Variants in DSC1 observed in about 807,000 individuals in gnomAD.
DSC1 encodes the protein desmocollin 1.
DSC1 carries 79 observed loss-of-function variants against 98.8 expected under a neutral mutation model. The observed-to-expected ratio is 0.80, with a 90% CI of 0.67 to 0.96. The LOEUF (loss-of-function observed/expected upper bound fraction) is 0.96, where lower values mean the gene tolerates loss of function less well. Ranked by LOEUF, DSC1 falls within the 50% of genes least tolerant of loss-of-function variation. The pLI, the probability that DSC1 is intolerant of heterozygous loss-of-function variation, is 0.00. For synonymous variants in DSC1, 405 were observed against 372.1 expected, an observed-to-expected ratio of 1.09 and a Z score of -1.02; for missense variants, 1,115 against 1,075.9, an observed-to-expected ratio of 1.04 and a Z score of -0.51.
At chr18:31,158,483 G>A (rs972335209) in intron 2 of DSC1, among the ~76,000 whole-genome samples, 2 of 151,946 alleles carry the variant, frequency 1.3e-5, no homozygotes, top group African/African-American at 2.4e-5. Flanking sequence ...AAACCTTAAA[G>A]CACTGGGCAA....
Position 31,132,581 on chromosome 18 carries a change from C to T in DSC1, c.2225G>A (p.Gly742Glu). Residue 742 changes from glycine (G) to glutamate (E), a missense_variant, in exon 14 of 16, where the codon GGA becomes GAA. Gly to Glu is a moderately conservative substitution (Grantham distance 98, BLOSUM62 -2). Coordinates refer to ENST00000257198, the MANE Select transcript of DSC1 (RefSeq NM_024421.2). ...AATCTGATTTACCGTTACTTCTTCT[C>T]CAGGTCCTTCAGTATTTGATACAAT... ...NLIVSNTEGP[G>E]EEVTEANIRL... 6.2e-7 allele frequency: 1 copy of T among 1,613,276 alleles called. No individual in the cohort carries two copies. The highest frequency in any genetic ancestry group is 8.5e-7 in the Non-Finnish European group (1 of 1,179,522).
chr18:31,161,597 A>T (rs1447258389), intron 1 of DSC1, among the ~76,000 whole-genome samples: 1 of 152,144 alleles, frequency 6.6e-6, no homozygotes, highest in East Asian at 1.9e-4. Flanking sequence ...AGTCAGAAAT[A>T]AATAAACAGG....
intron 5 of DSC1, among the ~76,000 whole-genome samples, chr18:31,150,292 C>T (rs199671315): frequency 2.8e-5 from 4 of 143,946 alleles, no homozygotes; most frequent in Non-Finnish European, 4.6e-5. Context: ...CCACCACCAC[C>T]ACTACCATCA....
At chr18:31,162,457 C>T in intron 1 of DSC1, 75 bp downstream of exon 1, 1 of 1,456,268 alleles carries the variant, frequency 6.9e-7, no homozygotes, top group African/African-American at 1.4e-5. Flanking sequence ...CTCCTAGTCT[C>T]TTTCAAGCCC....
In DSC1 at chr18:31,132,602, A is replaced by G. The variant is rs1326056747; in HGVS notation, c.2204T>C (p.Val735Ala). The G allele has an allele frequency of 4.3e-6, 7 of 1,613,606 alleles. No individual in the cohort carries two copies. Among genetic ancestry groups the G allele is most frequent in the Non-Finnish European group, 5.9e-6 (7 of 1,179,674 alleles). The change falls in exon 14 of 16, where the codon GTA becomes GCA. Residue 735 changes from valine (V) to alanine (A), a missense_variant. Transcript: ENST00000257198. The part of the protein sequence containing the change: ...PEDIAQQNLI[V>A]SNTEGPGEEV... ...TTCTCCAGGTCCTTCAGTATTTGATACAATTAAATTTTGCTGGGCTATGTC... is the reference window on the plus strand; with the variant it reads ...TTCTCCAGGTCCTTCAGTATTTGATGCAATTAAATTTTGCTGGGCTATGTC...
At chr18:31,144,443 A>G (rs1988799750) in intron 7 of DSC1, among the ~76,000 whole-genome samples, 1 of 152,246 alleles carries the variant, frequency 6.6e-6, no homozygotes, top group Non-Finnish European at 1.5e-5. Flanking sequence ...AAGAGCTATC[A>G]AGACTTAAAA....
intron 5 of DSC1, chr18:31,150,888 G>T (rs1266131301): frequency 6.6e-6 from 1 of 152,038 alleles, no homozygotes. Flanking sequence ...CCTTACCTTG[G>T]GTAAGTCTTC....
At position 31,135,315 on chromosome 18, in the gene DSC1, A is replaced by C. The variant is rs138521586; in HGVS notation, c.1664-531T>G. Among the ~76,000 whole-genome samples the C allele has an allele frequency of 8.2e-3, 1,245 of 152,188 alleles. 26 individuals carry two copies. Among genetic ancestry groups the C allele is most frequent in the African/African-American group, 0.028 (1,181 of 41,534 alleles). On this transcript the variant is annotated intron_variant, in intron 11 of 15. Coordinates refer to ENST00000257198, the MANE Select transcript of DSC1 (RefSeq NM_024421.2). ...AGCACACTATTATCTTCAAGAATCT[A>C]CTTAAATGTCACGTCCTCATGAAAC...
At chr18:31,134,838 A>G (rs1988576839) in intron 11 of DSC1, 54 bp from the exon 12 acceptor site, 2 of 1,496,948 alleles carry the variant, frequency 1.3e-6, no homozygotes, top group South Asian at 2.4e-5. Context: ...ATTTATTTTC[A>G]ACAATTTATA....
chr18:31,131,971 A>T (rs1988503535), intron 14 of DSC1, 129 bp from the exon 15 acceptor site: 1 of 1,097,194 alleles, frequency 9.1e-7, no homozygotes, highest in African/African-American at 1.6e-5. Flanking sequence ...TAAAATCAGA[A>T]TAATAGTATC....
At chr18:31,134,244 CTT>C (rs60325074) in intron 12 of DSC1, 114 bp from the exon 13 acceptor site, 216 of 1,078,656 alleles carry the variant, frequency 2.0e-4, no homozygotes, top group Middle Eastern at 2.4e-4. Context: ...TCGAATTTTT[CTT>C]TTTTTTTTTG....
chr18:31,156,579 T>A (rs1416695434), intron 3 of DSC1, among the ~76,000 whole-genome samples: 2 of 152,244 alleles, frequency 1.3e-5, no homozygotes, highest in Non-Finnish European at 2.9e-5. Context: ...TGCTCAAGTA[T>A]ACTTGATTTT....
At chr18:31,130,953 C>A in intron 15 of DSC1, 2 of 927,658 alleles carry the variant, frequency 2.2e-6, no homozygotes, top group Non-Finnish European at 1.6e-6. Flanking sequence ...GCATATATCA[C>A]GCAACACATT....
intron 6 of DSC1, among the ~76,000 whole-genome samples, 178 bp from the exon 7 acceptor site, chr18:31,145,955 G>A (rs999781935): frequency 1.9e-4 from 29 of 152,152 alleles, no homozygotes; most frequent in Admixed American, 5.2e-4. Context: ...CCTTACTCGG[G>A]AACTTCAGTT....
intron 2 of DSC1, among the ~76,000 whole-genome samples, chr18:31,158,057 G>A (rs1249466448): frequency 1.3e-5 from 2 of 152,006 alleles, no homozygotes; most frequent in African/African-American, 2.4e-5. Flanking sequence ...TCACAAGGTC[G>A]GGAGTTCTAG....
Position 31,148,635 on chromosome 18 carries a change from C to T in DSC1, c.635G>A (p.Gly212Asp). Residue 212 changes from glycine (G) to aspartate (D), a missense_variant, in exon 6 of 16, where the codon GGC becomes GAC. Transcript: ENST00000257198. The part of the protein sequence containing the change: ...REKYEQFALY[G>D]YATTADGYAP... Reference sequence around the variant, plus strand: ...ATAGCCATCTGCAGTTGTTGCATAGCCATATAACTGAAAGAAGGGAAAATA... The same window carrying T: ...ATAGCCATCTGCAGTTGTTGCATAGTCATATAACTGAAAGAAGGGAAAATA... 6.3e-7 allele frequency: 1 copy of T among 1,576,572 alleles called. No individual in the cohort carries two copies. Among genetic ancestry groups the T allele is most frequent in the Non-Finnish European group, 8.7e-7 (1 of 1,154,930 alleles).
In DSC1 at chr18:31,130,283, T is replaced by C; in HGVS notation, c.*231A>G. 1.8e-6 allele frequency: 1 copy of C among 554,180 alleles called. No individual in the cohort carries two copies. Among genetic ancestry groups the C allele is most frequent in the Non-Finnish European group, 3.2e-6 (1 of 314,002 alleles). 34.3% of individuals were successfully genotyped at this position (554,180 alleles called of 1,614,324 possible). A position where few individuals can be genotyped will look rare whatever the true frequency, so the allele number is the denominator to read the frequency against. On this transcript the variant is annotated 3_prime_UTR_variant, in exon 16 of 16. Coordinates refer to ENST00000257198, the MANE Select transcript of DSC1 (RefSeq NM_024421.2). Reference sequence around the variant, plus strand: ...TACAGTACAGTCGTGAAAAGGGCAATATATACATGCATATAAAAGAGAATT... The same window carrying C: ...TACAGTACAGTCGTGAAAAGGGCAACATATACATGCATATAAAAGAGAATT...
rs1315520804 is a variant in DSC1, at chr18:31,141,985, TTTTA to T, written c.1260+10_1260+13del. Reference sequence around the variant, plus strand: ...GATATTTTAAAGCATAGCCTGATTATTTTATTTGTTTACCTTGACAACACACAGC... The same window carrying T: ...GATATTTTAAAGCATAGCCTGATTATTTTGTTTACCTTGACAACACACAGC... On this transcript the variant is annotated intron_variant, in intron 9 of 15. Coordinates refer to ENST00000257198, the MANE Select transcript of DSC1 (RefSeq NM_024421.2). The T allele has an allele frequency of 4.4e-6, 7 of 1,590,210 alleles. No individual in the cohort carries two copies. In the African/African-American group the frequency reaches 8.2e-5, roughly 19 times the overall value.
chr18:31,137,033 GGTTAACTA>G (rs1367073153), intron 11 of DSC1, among the ~76,000 whole-genome samples: 1 of 152,038 alleles, frequency 6.6e-6, no homozygotes, highest in Non-Finnish European at 1.5e-5. Flanking sequence ...GTACATCTTG[GGTTAACTA>G]AAAATCTTCA....
Sources: gnomAD v4.1 joint callset for allele counts (sites outside exome capture counted in the v4.1 genomes callset) on GRCh38, gnomAD v4.1.1 for gene constraint, MANE v1.5 for transcripts, NCBI Gene and HGNC (gene_info 2026-07-23, HGNC 2026-07-21) for gene names.